TPRX2: variants seen among roughly 807,000 people sequenced by gnomAD.
TPRX2 encodes the protein tetrapeptide repeat homeobox protein 2.
the TPRX2 span, chr19:47,861,413 C>G: frequency 1.5e-5 from 9 of 583,688 alleles, no homozygotes; most frequent in African/African-American, 5.7e-5. Flanking sequence ...TAGACCGGTT[C>G]GAGGAATCCT....
chr19:47,859,330 TGCAAATCTGG>T, the TPRX2 span, among the ~76,000 whole-genome samples: 1 of 149,582 alleles, frequency 6.7e-6, no homozygotes, highest in Non-Finnish European at 1.5e-5. Flanking sequence ...GGCTGCAGAG[TGCAAATCTGG>T]GCAGCCAGAG....
the TPRX2 span, chr19:47,861,355 C>G: frequency 1.5e-4 from 72 of 472,352 alleles, no homozygotes; most frequent in African/African-American, 1.3e-3. Flanking sequence ...TCCAACTTGT[C>G]GCCAGACACC....
chr19:47,860,757 C>G, the TPRX2 span: 1 of 1,512,350 alleles, frequency 6.6e-7, no homozygotes, highest in African/African-American at 1.4e-5. Context: ...CCGGGCCGCG[C>G]GAGTCCCTCC....
At chr19:47,861,665 C>T in the TPRX2 span, among the ~76,000 whole-genome samples, 1 of 152,230 alleles carries the variant, frequency 6.6e-6, no homozygotes, top group Admixed American at 6.5e-5. Flanking sequence ...TCACAGGTGG[C>T]TCTGCTGTGA....
the TPRX2 span, chr19:47,861,013 C>T: frequency 4.9e-6 from 5 of 1,019,566 alleles, no homozygotes; most frequent in Non-Finnish European, 7.4e-6. Flanking sequence ...CTCCCAGCAG[C>T]AGAACCGAAG....
At chr19:47,860,357 C>T in the TPRX2 span, 1 of 790,086 alleles carries the variant, frequency 1.3e-6, no homozygotes, top group Non-Finnish European at 2.0e-6. Flanking sequence ...TCACCGGGGC[C>T]TGGCCCGCCC....
At chr19:47,859,542 C>T in the TPRX2 span, among the ~76,000 whole-genome samples, 3 of 148,076 alleles carry the variant, frequency 2.0e-5, no homozygotes, top group South Asian at 4.3e-4. Context: ...AGTGGAGACC[C>T]GTCTTTAGCA....
At chr19:47,860,363 C>G in the TPRX2 span, 1 of 686,498 alleles carries the variant, frequency 1.5e-6, no homozygotes, top group Non-Finnish European at 2.5e-6. Context: ...GGGCCTGGCC[C>G]GCCCGACCAC....
the TPRX2 span, chr19:47,861,120 C>T: frequency 1.4e-6 from 1 of 703,638 alleles, no homozygotes; most frequent in Non-Finnish European, 2.6e-6. Flanking sequence ...AATCCCAGCC[C>T]CTATCCCAGG....
At chr19:47,861,149 C>T in the TPRX2 span, 1 of 691,630 alleles carries the variant, frequency 1.4e-6, no homozygotes, top group Non-Finnish European at 2.7e-6. Flanking sequence ...AGATCCCAGG[C>T]CCAGTCCCAG....
chr19:47,860,813 G>C, the TPRX2 span: 1 of 1,540,790 alleles, frequency 6.5e-7, no homozygotes, highest in Non-Finnish European at 8.7e-7. Context: ...TGTGGTTCAA[G>C]AATCGCCGCG....
the TPRX2 span, chr19:47,860,747 C>T: frequency 6.7e-6 from 10 of 1,499,802 alleles, no homozygotes; most frequent in African/African-American, 1.4e-5. Flanking sequence ...AGCGGCTCAC[C>T]CGGGCCGCGC....
chr19:47,859,429 T>G, the TPRX2 span, among the ~76,000 whole-genome samples: 1 of 151,066 alleles, frequency 6.6e-6, no homozygotes, highest in Admixed American at 6.6e-5. Context: ...TGAAAAATCA[T>G]GCAGCTGGGC....
At chr19:47,859,705 C>A in the TPRX2 span, among the ~76,000 whole-genome samples, 2 of 148,688 alleles carry the variant, frequency 1.3e-5, no homozygotes, top group Admixed American at 6.7e-5. Context: ...AGAGCGAGAT[C>A]CCCTCCAAGA....
chr19:47,859,298 C>T, the TPRX2 span, among the ~76,000 whole-genome samples: 129,953 of 148,306 alleles, frequency 0.88, 57,359 homozygotes, highest in East Asian at 1. Flanking sequence ...GTGTGAGGGG[C>T]CTGGGCTGAT....
the TPRX2 span, chr19:47,861,213 G>C: frequency 1.7e-6 from 1 of 602,042 alleles, no homozygotes; most frequent in South Asian, 1.5e-5. Context: ...CTCGATCCCC[G>C]GTCCAATACC....
the TPRX2 span, chr19:47,861,149 C>G: frequency 1.2e-5 from 8 of 691,630 alleles, no homozygotes; most frequent in South Asian, 1.2e-4. Context: ...AGATCCCAGG[C>G]CCAGTCCCAG....
the TPRX2 span, chr19:47,861,456 G>A: frequency 1.1e-6 from 1 of 874,816 alleles, no homozygotes; most frequent in South Asian, 1.3e-5. Context: ...GTACAAAGAG[G>A]AGGATGGCTT....
chr19:47,861,436 C>T, the TPRX2 span: 98 of 714,164 alleles, frequency 1.4e-4, 1 homozygote, highest in Middle Eastern at 5.6e-4. Context: ...CTCTCCACCA[C>T]GACGTCTCAG....
Sources: gnomAD v4.1 joint callset for allele counts (sites outside exome capture counted in the v4.1 genomes callset) on GRCh38, gnomAD v4.1.1 for gene constraint, MANE v1.5 for transcripts, NCBI Gene and HGNC (gene_info 2026-07-23, HGNC 2026-07-21) for gene names.